Variants in UNC5D observed in about 807,000 individuals in gnomAD.
UNC5D encodes unc-5 netrin receptor D, also known as netrin receptor UNC5D.
A neutral mutation model predicts 105.4 loss-of-function variants in UNC5D; 39 were observed. That is an observed-to-expected ratio of 0.37 (90% CI 0.29 to 0.48). UNC5D has a LOEUF of 0.48. Ranked by LOEUF, UNC5D falls within the 20% of genes least tolerant of loss-of-function variation. The probability of loss-of-function intolerance (pLI) is 0.98; values close to 1 mark genes in which losing one functional copy is unlikely to be tolerated. For synonymous variants in UNC5D, 452 were observed against 450.4 expected, an observed-to-expected ratio of 1.00 and a Z score of -0.04; for missense variants, 991 against 1,202.4, an observed-to-expected ratio of 0.82 and a Z score of 2.60.
chr8:35,459,548 C>T (rs1249019574), intron 1 of UNC5D, among the ~76,000 whole-genome samples: 1 of 152,170 alleles, frequency 6.6e-6, no homozygotes, highest in East Asian at 1.9e-4. Flanking sequence ...GTGTTCAAAT[C>T]ACAAAGCTGA....
Position 35,791,519 on chromosome 8 carries a change from C to T in UNC5D, c.*956C>T, listed in dbSNP as rs1009290793. On this transcript the variant is annotated 3_prime_UTR_variant, in exon 17 of 17. Transcript: ENST00000404895. ...GACACGTGTTGATCTAGTTATCTAA[C>T]ATTGTTGTTATAAGAAAATGAGTTT... is the stretch of plus-strand genomic sequence containing the variant. The T allele has an allele frequency of 6.6e-6, 1 of 152,118 alleles. No individual in the cohort carries two copies. Among genetic ancestry groups the T allele is most frequent in the Non-Finnish European group, 1.5e-5 (1 of 68,022 alleles). 9.4% of individuals were successfully genotyped at this position (152,118 alleles called of 1,614,324 possible).
intron 1 of UNC5D, among the ~76,000 whole-genome samples, chr8:35,454,044 T>C (rs1017892124): frequency 5.9e-5 from 9 of 152,210 alleles, no homozygotes; most frequent in South Asian, 2.1e-4. Flanking sequence ...GCAAATTCAG[T>C]TACCCATTAT....
intron 1 of UNC5D, among the ~76,000 whole-genome samples, chr8:35,443,927 T>G (rs1187755080): frequency 6.6e-6 from 1 of 151,958 alleles, no homozygotes; most frequent in Non-Finnish European, 1.5e-5. Flanking sequence ...AAGGGTCACT[T>G]TCTTCACTGC....
chr8:35,380,171 C>A (rs1381346582), intron 1 of UNC5D, among the ~76,000 whole-genome samples: 3 of 126,478 alleles, frequency 2.4e-5, no homozygotes, highest in Non-Finnish European at 3.3e-5. Flanking sequence ...GAGACAGAGA[C>A]CAAGACGGAG....
At chr8:35,317,957 T>C (rs1809431029) in intron 1 of UNC5D, among the ~76,000 whole-genome samples, 1 of 152,064 alleles carries the variant, frequency 6.6e-6, no homozygotes, top group Non-Finnish European at 1.5e-5. Context: ...GACTATCTTT[T>C]CTTTAGTTCT....
intron 1 of UNC5D, 110 bp from the exon 2 acceptor site, chr8:35,549,182 C>A: frequency 3.0e-6 from 3 of 1,012,760 alleles, no homozygotes; most frequent in South Asian, 1.6e-5. Context: ...ATTAATAAAG[C>A]GAATATTTCT....
intron 2 of UNC5D, 66 bp downstream of exon 2, chr8:35,549,576 T>G: frequency 2.4e-5 from 34 of 1,439,030 alleles, no homozygotes; most frequent in Non-Finnish European, 3.0e-5. Context: ...GTTATATCTC[T>G]GGGAAAGACT....
chr8:35,413,315 CTCTT>C (rs1805320124), intron 1 of UNC5D, among the ~76,000 whole-genome samples: 1 of 118,610 alleles, frequency 8.4e-6, no homozygotes, highest in Admixed American at 8.9e-5. Flanking sequence ...TGTGTTTTCT[CTCTT>C]CTTCACTGTT....
intron 1 of UNC5D, among the ~76,000 whole-genome samples, chr8:35,267,532 G>A (rs2897246): frequency 0.45 from 68,671 of 151,788 alleles, 15,935 homozygotes; most frequent in East Asian, 0.7. Flanking sequence ...TCCGCCTCCC[G>A]GATTCAAGTG....
At chr8:35,672,272 C>T (rs1824861679) in intron 4 of UNC5D, among the ~76,000 whole-genome samples, 2 of 152,282 alleles carry the variant, frequency 1.3e-5, no homozygotes, top group South Asian at 2.1e-4. Flanking sequence ...AATTAATATT[C>T]TCACATCACC....
intron 1 of UNC5D, among the ~76,000 whole-genome samples, chr8:35,545,275 T>G (rs1815568003): frequency 1.3e-5 from 2 of 152,226 alleles, no homozygotes; most frequent in Admixed American, 1.3e-4. Flanking sequence ...CAGCAATTTA[T>G]AAGCCCCTTA....
intron 1 of UNC5D, among the ~76,000 whole-genome samples, chr8:35,312,926 C>A (rs565957334): frequency 2.0e-5 from 3 of 152,126 alleles, no homozygotes; most frequent in Non-Finnish European, 4.4e-5. Flanking sequence ...CCACTACCAG[C>A]GGAGAATTAG....
chr8:35,607,788 C>T (rs1239141968), intron 4 of UNC5D, among the ~76,000 whole-genome samples: 1 of 152,150 alleles, frequency 6.6e-6, no homozygotes, highest in East Asian at 1.9e-4. Context: ...CTTCTTCCCT[C>T]CCCAGCCATG....
intron 1 of UNC5D, among the ~76,000 whole-genome samples, chr8:35,251,857 C>T (rs1229782169): frequency 2.0e-5 from 3 of 152,032 alleles, no homozygotes; most frequent in African/African-American, 4.8e-5. Context: ...GTTCCTCATA[C>T]GGAGTAGGGT....
At chr8:35,402,013 A>G (rs1804499201) in intron 1 of UNC5D, among the ~76,000 whole-genome samples, 1 of 152,166 alleles carries the variant, frequency 6.6e-6, no homozygotes, top group Non-Finnish European at 1.5e-5. Context: ...ATACCTGCGA[A>G]CACTCTGATC....
chr8:35,342,011 C>T (rs1412454358), intron 1 of UNC5D, among the ~76,000 whole-genome samples: 3 of 151,864 alleles, frequency 2.0e-5, no homozygotes, highest in South Asian at 2.1e-4. Context: ...TTTTTTTCCC[C>T]GTTGTTTAAG....
At chr8:35,682,962 A>G (rs1368034282) in intron 4 of UNC5D, among the ~76,000 whole-genome samples, 1 of 152,184 alleles carries the variant, frequency 6.6e-6, no homozygotes, top group Non-Finnish European at 1.5e-5. Context: ...AACGTAAATG[A>G]TCACCAAAGA....
At position 35,246,792 on chromosome 8, in the gene UNC5D, A is replaced by G. The variant is rs748989177; in HGVS notation, c.103+10905A>G. ...GAGCCAGTTGGTCCTCATTTTCAGTAATTATCTTCGCTTGAGCTGTGGGCA... is the reference window on the plus strand; with the variant it reads ...GAGCCAGTTGGTCCTCATTTTCAGTGATTATCTTCGCTTGAGCTGTGGGCA... On this transcript the variant is annotated intron_variant, in intron 1 of 16. Transcript: ENST00000404895. 1.5e-4 allele frequency among the ~76,000 whole-genome samples: 23 copies of G among 152,096 alleles called. 1 individual carries two copies. Among genetic ancestry groups the G allele is most frequent in the African/African-American group, 5.3e-4 (22 of 41,430 alleles).
chr8:35,271,083 C>T (rs1185156789), intron 1 of UNC5D, among the ~76,000 whole-genome samples: 1 of 151,388 alleles, frequency 6.6e-6, no homozygotes, highest in Non-Finnish European at 1.5e-5. Flanking sequence ...TTAATGAATT[C>T]TGTCCTATGG....
Sources: gnomAD v4.1 joint callset for allele counts (sites outside exome capture counted in the v4.1 genomes callset) on GRCh38, gnomAD v4.1.1 for gene constraint, MANE v1.5 for transcripts, NCBI Gene and HGNC (gene_info 2026-07-23, HGNC 2026-07-21) for gene names.